MYO1E: variants seen among roughly 807,000 people sequenced by gnomAD.
MYO1E encodes myosin IE, also known as unconventional myosin-Ie.
MYO1E carries 68 observed loss-of-function variants against 151.1 expected under a neutral mutation model. The ratio of observed to expected loss-of-function variants is 0.45; its 90% CI spans 0.37 to 0.55. The LOEUF is 0.55. MYO1E is among the 20% of genes least tolerant of loss of function. MYO1E has a pLI of 0.00. For synonymous variants in MYO1E, 601 were observed against 501.7 expected (o/e 1.20, Z -2.64); for missense variants, 1,363 against 1,389.3 (o/e 0.98, Z 0.30).
Position 59,138,295 on chromosome 15 carries a change from A to AGGCTTG in MYO1E, c.3147_3152dup (p.Lys1050_Pro1051dup), listed in dbSNP as rs1296996682. On this transcript the variant is annotated inframe_insertion, in exon 27 of 28. Transcript: ENST00000288235. ...ACAAAGCCTTGCACTGTGGCACCTG[A>AGGCTTG]GGCTTGGGCTTGGGCTGGGGCTTGG... 6 of 1,614,184 alleles carry AGGCTTG rather than the reference A, an allele frequency of 3.7e-6. No homozygotes were observed. Among genetic ancestry groups the AGGCTTG allele is most frequent in the Non-Finnish European group, 5.1e-6 (6 of 1,180,042 alleles).
At chr15:59,190,783 C>T (rs1411293250) in intron 17 of MYO1E, among the ~76,000 whole-genome samples, 3 of 152,190 alleles carry the variant, frequency 2.0e-5, no homozygotes, top group East Asian at 3.8e-4. Context: ...CTGTTATTAT[C>T]GTCATCCATT....
intron 1 of MYO1E, among the ~76,000 whole-genome samples, chr15:59,367,876 T>C (rs183538142): frequency 1.3e-5 from 2 of 152,272 alleles, no homozygotes; most frequent in African/African-American, 4.8e-5. Context: ...TCCCAGAACT[T>C]TGGGAGGCTG....
At chr15:59,329,630 A>T (rs1338332914) in intron 1 of MYO1E, among the ~76,000 whole-genome samples, 1 of 152,184 alleles carries the variant, frequency 6.6e-6, no homozygotes, top group African/African-American at 2.4e-5. Flanking sequence ...GTGCCTTCCA[A>T]GTTCATGGTC....
rs1290445718 is a variant in MYO1E, at chr15:59,159,724, A to G, written c.2786-1345T>C. Among the ~76,000 whole-genome samples the G allele has an allele frequency of 6.6e-6, 1 of 152,234 alleles. No individual in the cohort carries two copies. The highest frequency in any genetic ancestry group is 2.4e-5 in the African/African-American group (1 of 41,462). ...AGTACTAACGGATACACAGACATAC[A>G]TCAACATTTTCTGAGTGGCTCTACA... is the stretch of plus-strand genomic sequence containing the variant. On this transcript the variant is annotated intron_variant, in intron 24 of 27. Transcript: ENST00000288235. This position sits in a 1 kb window ranked among gnomAD's most constrained non-coding sequence, Gnocchi z 4.4.
At position 59,271,483 on chromosome 15, in the gene MYO1E, T is replaced by C. The variant is rs534200723; in HGVS notation, c.147+823A>G. On this transcript the variant is annotated intron_variant, in intron 2 of 27. Transcript: ENST00000288235. ...GTCCATGACTAACTCTCACAATAGT[T>C]CCACCAGGATATCTTTACATAGTTG... 1.4e-4 allele frequency among the ~76,000 whole-genome samples: 21 copies of C among 152,326 alleles called. No individual in the cohort carries two copies. In the East Asian group the frequency reaches 4.0e-3, roughly 29 times the overall value.
intron 2 of MYO1E, among the ~76,000 whole-genome samples, chr15:59,262,533 C>T (rs373740628): frequency 1.4e-4 from 22 of 152,184 alleles, no homozygotes; most frequent in Admixed American, 5.2e-4. Context: ...CAGGCTGAGG[C>T]GGGAGGATTG....
At chr15:59,191,332 C>CAGAGACAGAGAGAGAG (rs1191337285) in intron 17 of MYO1E, among the ~76,000 whole-genome samples, 5 of 105,746 alleles carry the variant, frequency 4.7e-5, no homozygotes, top group African/African-American at 1.7e-4. Flanking sequence ...CAGACAGAGA[C>CAGAGACAGAGAGAGAG]AGAGAGAGAG....
intron 1 of MYO1E, among the ~76,000 whole-genome samples, chr15:59,331,457 C>G (rs1425562208): frequency 1.3e-5 from 2 of 152,146 alleles, no homozygotes; most frequent in Non-Finnish European, 2.9e-5. Flanking sequence ...AACCAAGAAA[C>G]TGCCCCATAT....
chr15:59,324,795 C>T (rs1345881787), intron 1 of MYO1E, among the ~76,000 whole-genome samples: 2 of 152,018 alleles, frequency 1.3e-5, no homozygotes, highest in Non-Finnish European at 2.9e-5. Context: ...GTCCTAAAGA[C>T]ATTAAAAGAC....
intron 2 of MYO1E, among the ~76,000 whole-genome samples, chr15:59,265,694 G>A (rs932484329): frequency 4.0e-5 from 6 of 151,002 alleles, no homozygotes; most frequent in Non-Finnish European, 8.8e-5. Context: ...TTCTGGTTGG[G>A]TGCTATAATC....
At chr15:59,311,648 G>A (rs947656669) in intron 1 of MYO1E, among the ~76,000 whole-genome samples, 2 of 152,188 alleles carry the variant, frequency 1.3e-5, no homozygotes, top group East Asian at 3.8e-4. Flanking sequence ...GGCAAGCCCA[G>A]TTGGTGTTAT....
At chr15:59,188,699 A>C (rs2079714517) in intron 17 of MYO1E, among the ~76,000 whole-genome samples, 1 of 152,050 alleles carries the variant, frequency 6.6e-6, no homozygotes. Context: ...CCGTCTCAGA[A>C]ATAAAATAAA....
intron 2 of MYO1E, among the ~76,000 whole-genome samples, chr15:59,264,310 G>A (rs10162618): frequency 1.3e-5 from 2 of 151,978 alleles, no homozygotes; most frequent in African/African-American, 4.8e-5. Context: ...CACTATAAGT[G>A]GCAGAGCTAG....
At chr15:59,317,525 T>C (rs2080596778) in intron 1 of MYO1E, among the ~76,000 whole-genome samples, 1 of 144,648 alleles carries the variant, frequency 6.9e-6, no homozygotes, top group Non-Finnish European at 1.5e-5. Context: ...TGGTAGCATA[T>C]GCAAGATGAC....
At chr15:59,215,709 C>T (rs190579659) in intron 10 of MYO1E, among the ~76,000 whole-genome samples, 4 of 152,222 alleles carry the variant, frequency 2.6e-5, no homozygotes, top group Non-Finnish European at 5.9e-5. Flanking sequence ...ACAGTCAGTG[C>T]CCAGTAAATC....
chr15:59,192,548 A>C (rs1462368049), intron 17 of MYO1E, among the ~76,000 whole-genome samples: 1 of 152,128 alleles, frequency 6.6e-6, no homozygotes, highest in Non-Finnish European at 1.5e-5. Flanking sequence ...TTGATCAGAC[A>C]ATGCCCAGTT....
At chr15:59,296,838 T>C (rs910570606) in intron 1 of MYO1E, among the ~76,000 whole-genome samples, 1 of 145,126 alleles carries the variant, frequency 6.9e-6, no homozygotes. Flanking sequence ...CATACTTTTT[T>C]CTTTTTTTTT....
At chr15:59,241,417 T>G (rs774883394) in intron 4 of MYO1E, among the ~76,000 whole-genome samples, 2 of 152,140 alleles carry the variant, frequency 1.3e-5, no homozygotes, top group African/African-American at 4.8e-5. Flanking sequence ...ATTGGCTGGG[T>G]GCAGTGGCTC....
chr15:59,322,735 A>G lies in MYO1E; in HGVS notation c.3+49763T>C, dbSNP rs187168183. Among the ~76,000 whole-genome samples the G allele has an allele frequency of 1.1e-4, 16 of 152,350 alleles. No homozygotes were observed. The East Asian group carries it at 3.1e-3, about 29-fold the overall frequency. On this transcript the variant is annotated intron_variant, in intron 1 of 27. Transcript: ENST00000288235. ...TTCTAAAAAGCACATTGGGAAAAAGAAAAAGGTACATGGGTTTTGAGTTTG... is the reference window on the plus strand; with the variant it reads ...TTCTAAAAAGCACATTGGGAAAAAGGAAAAGGTACATGGGTTTTGAGTTTG...
Sources: allele counts gnomAD v4.1 joint callset (sites outside exome capture counted in the v4.1 genomes callset), GRCh38; gene constraint gnomAD v4.1.1; non-coding constraint Gnocchi (gnomAD v3.1); transcripts MANE v1.5; gene names NCBI Gene and HGNC (gene_info 2026-07-23, HGNC 2026-07-21).